The following DNAH6 variants were observed in gnomAD, a reference collection of about 807,000 sequenced individuals.
The protein encoded by DNAH6 is dynein axonemal heavy chain 6, also known as axonemal beta dynein heavy chain 6.
In DNAH6, 340 loss-of-function variants were observed where a neutral mutation model predicts 491.4. That is an observed-to-expected ratio of 0.69 (90% CI 0.63 to 0.76). The LOEUF (loss-of-function observed/expected upper bound fraction) is 0.76, where lower values mean the gene tolerates loss of function less well. Ranked by LOEUF, DNAH6 falls within the 30% of genes least tolerant of loss-of-function variation. DNAH6 has a pLI of 0.00. For missense variants in DNAH6, 4,443 were observed against 4,972.2 expected, an observed-to-expected ratio of 0.89 and a Z score of 3.20; for synonymous variants, 1,603 against 1,686.1, an observed-to-expected ratio of 0.95 and a Z score of 1.21.
chr2:84,775,529 G>T (rs536191398), intron 64 of DNAH6, among the ~76,000 whole-genome samples: 20 of 152,130 alleles, frequency 1.3e-4, no homozygotes, highest in African/African-American at 4.3e-4. Context: ...TTCACAGAAT[G>T]AGTTAGAGAG....
At position 84,762,929 on chromosome 2, in the gene DNAH6, A is replaced by C; in HGVS notation, c.10687A>C (p.Ser3563Arg). The C allele has an allele frequency of 6.4e-7, 1 of 1,551,240 alleles. No individual in the cohort carries two copies. Among genetic ancestry groups the C allele is most frequent in the Non-Finnish European group, 8.7e-7 (1 of 1,146,642 alleles). ...TGCATTTCAGAGGTTTGCCAGGGAA[A>C]GTGGATATTCAGAACGGTAAGTTCA... Reference protein sequence around the residue: ...MGAFQRFARESGYSERVQSIS... With the variant: ...MGAFQRFARERGYSERVQSIS... Residue 3563 changes from serine (S) to arginine (R), a missense_variant, in exon 64 of 77, where the codon AGT (serine) becomes CGT (arginine). By Grantham distance (110) the Ser-to-Arg change is moderately radical. Coordinates refer to ENST00000389394, the MANE Select transcript of DNAH6 (RefSeq NM_001370.2).
chr2:84,460,651 T>C, the DNAH6 span, among the ~76,000 whole-genome samples: 11 of 152,256 alleles, frequency 7.2e-5, no homozygotes, highest in Admixed American at 1.3e-4. Context: ...TAACTCATCG[T>C]TGAATTGAAT....
chr2:84,768,001 A>G (rs1573750524), intron 64 of DNAH6, among the ~76,000 whole-genome samples: 1 of 152,168 alleles, frequency 6.6e-6, no homozygotes, highest in South Asian at 2.1e-4. Flanking sequence ...AAAGCAAATT[A>G]CTGTCAAAAC....
chr2:84,598,165 T>C (rs1400688938), intron 18 of DNAH6, among the ~76,000 whole-genome samples: 5 of 74,044 alleles, frequency 6.8e-5, no homozygotes, highest in Non-Finnish European at 1.4e-4. Context: ...CTTTCTTTCT[T>C]TCTTTCTTTC....
chr2:84,548,696 A>G (rs1679038235), intron 8 of DNAH6, among the ~76,000 whole-genome samples: 1 of 152,290 alleles, frequency 6.6e-6, no homozygotes, highest in East Asian at 1.9e-4. Flanking sequence ...TTTGTGGGAC[A>G]TGGTAACCTG....
chr2:84,592,873 A>G (rs949318483), intron 16 of DNAH6, among the ~76,000 whole-genome samples: 1 of 152,172 alleles, frequency 6.6e-6, no homozygotes, highest in African/African-American at 2.4e-5. Context: ...TGAGATATCT[A>G]AAGTAGTCAA....
At position 84,812,649 on chromosome 2, in the gene DNAH6, G is replaced by T. The variant is rs1573885789; in HGVS notation, c.11925+123G>T. On this transcript the variant is annotated intron_variant, in intron 73 of 76. Coordinates refer to ENST00000389394, the MANE Select transcript of DNAH6 (RefSeq NM_001370.2). ...TGGATAATCTGAGCCCAGAGAAAAA[G>T]AGATGTCCAGAATGGCATCACTTTA... 8.4e-6 allele frequency: 7 copies of T among 834,400 alleles called. No homozygotes were observed. The East Asian group carries it at 1.3e-4, about 16-fold the overall frequency. 51.7% of individuals were successfully genotyped at this position (834,400 alleles called of 1,614,324 possible).
At chr2:84,737,466 G>A (rs1213954559) in intron 62 of DNAH6, among the ~76,000 whole-genome samples, 1 of 151,792 alleles carries the variant, frequency 6.6e-6, no homozygotes, top group Non-Finnish European at 1.5e-5. Flanking sequence ...TCCGTTAGTT[G>A]GTTGGTTGGT....
At chr2:84,677,503 C>T (rs542071113) in intron 41 of DNAH6, among the ~76,000 whole-genome samples, 46 of 152,282 alleles carry the variant, frequency 3.0e-4, no homozygotes, top group African/African-American at 1.0e-3. Context: ...ACCAGGTCTG[C>T]GTGTCCACTT....
intron 35 of DNAH6, 31 bp downstream of exon 35, chr2:84,654,813 C>T (rs1690790467): frequency 1.3e-6 from 2 of 1,547,270 alleles, no homozygotes; most frequent in Non-Finnish European, 1.7e-6. Flanking sequence ...CCCAATATCT[C>T]CATCTGTCAG....
rs145709612 is a variant in DNAH6 at position 84,570,254 on chromosome 2, A to G, written c.1804-3213A>G. 7.9e-5 allele frequency among the ~76,000 whole-genome samples: 12 copies of G among 152,372 alleles called. No homozygotes were observed. In the East Asian group the frequency reaches 2.3e-3, roughly 29 times the overall value. On this transcript the variant is annotated intron_variant, in intron 11 of 76. Coordinates refer to ENST00000389394, the MANE Select transcript of DNAH6 (RefSeq NM_001370.2). ...GGTCTCCCTGGTGAGAGGTGAAGCC[A>G]GCTGGACTTCCTGGGTTGAGTGGGG... is the stretch of plus-strand genomic sequence containing the variant.
chr2:84,699,070 A>G (rs1558926733), intron 47 of DNAH6, among the ~76,000 whole-genome samples: 1 of 152,124 alleles, frequency 6.6e-6, no homozygotes, highest in Non-Finnish European at 1.5e-5. Context: ...AAAACTACCT[A>G]TTGGATACTG....
intron 10 of DNAH6, among the ~76,000 whole-genome samples, chr2:84,556,202 CT>C (rs1680003983): frequency 6.6e-6 from 1 of 152,160 alleles, no homozygotes; most frequent in Non-Finnish European, 1.5e-5. Context: ...TCCTGTTCAA[CT>C]TCATGTAACT....
chr2:84,696,239 T>C (rs1388324521), intron 46 of DNAH6, among the ~76,000 whole-genome samples: 1 of 151,880 alleles, frequency 6.6e-6, no homozygotes, highest in Non-Finnish European at 1.5e-5. Context: ...ATTAATCATA[T>C]ACTAGATTTA....
chr2:84,678,272 C>A (rs931440525), intron 41 of DNAH6, among the ~76,000 whole-genome samples: 8 of 152,090 alleles, frequency 5.3e-5, no homozygotes, highest in Non-Finnish European at 1.2e-4. Context: ...AAGATGGGAG[C>A]TTCACTCCTA....
At chr2:84,562,613 G>A (rs1224294373) in intron 11 of DNAH6, among the ~76,000 whole-genome samples, 9 of 152,160 alleles carry the variant, frequency 5.9e-5, no homozygotes, top group Non-Finnish European at 1.3e-4. Context: ...TCATGGCTAT[G>A]ATTATTACAG....
At chr2:84,819,031 G>A (rs942538508) in intron 76 of DNAH6, among the ~76,000 whole-genome samples, 31 of 151,934 alleles carry the variant, frequency 2.0e-4, no homozygotes, top group Non-Finnish European at 1.0e-4. Flanking sequence ...CTGAGATCAC[G>A]CCACTACACT....
At chr2:84,712,644 A>G (rs1697154123) in intron 56 of DNAH6, among the ~76,000 whole-genome samples, 1 of 152,240 alleles carries the variant, frequency 6.6e-6, no homozygotes, top group African/African-American at 2.4e-5. Context: ...AACCCTTAAA[A>G]AGGTAAAAGC....
At position 84,697,598 on chromosome 2, in the gene DNAH6, A is replaced by G; in HGVS notation, c.7548A>G (p.Glu2516=). The G allele has an allele frequency of 6.4e-7, 1 of 1,551,944 alleles. No homozygotes were observed. The highest frequency in any genetic ancestry group is 8.7e-7 in the Non-Finnish European group (1 of 1,146,998). ...DTQIVVEEFL[E]DINNILNSGE... is the part of the protein sequence containing the mutation. ...AGATTGTAGTGGAGGAGTTCCTAGAAGATATAAATAACATCCTGAACTCAG... is the reference window on the plus strand; with the variant it reads ...AGATTGTAGTGGAGGAGTTCCTAGAGGATATAAATAACATCCTGAACTCAG... The change falls in exon 47 of 77, where the codon GAA becomes GAG. Residue 2516 remains glutamate (E), a synonymous_variant. Coordinates refer to ENST00000389394, the MANE Select transcript of DNAH6 (RefSeq NM_001370.2).
Sources: allele counts gnomAD v4.1 joint callset (sites outside exome capture counted in the v4.1 genomes callset), GRCh38; gene constraint gnomAD v4.1.1; transcripts MANE v1.5; gene names NCBI Gene and HGNC (gene_info 2026-07-23, HGNC 2026-07-21).